Variants in SLCO6A1 observed in about 807,000 individuals in gnomAD.
SLCO6A1 encodes cancer/testis antigen 48.
Under a neutral mutation model 72.7 loss-of-function variants are expected in SLCO6A1, and 65 were observed. The observed-to-expected ratio is 0.89, with a 90% CI of 0.73 to 1.10. SLCO6A1 has a LOEUF of 1.10. Ranked by LOEUF, SLCO6A1 falls within the 50% of genes least tolerant of loss-of-function variation. SLCO6A1 has a pLI of 0.00. For synonymous variants in SLCO6A1, 314 were observed against 298.2 expected (o/e 1.05, Z -0.55); for missense variants, 874 against 872.6 (o/e 1.00, Z -0.02).
At chr5:102,494,723 T>C (rs185558610) in intron 1 of SLCO6A1, among the ~76,000 whole-genome samples, 2 of 152,312 alleles carry the variant, frequency 1.3e-5, no homozygotes, top group East Asian at 1.9e-4. Context: ...ATCACTGGAA[T>C]AGCTAAAATT....
chr5:102,429,154 TTTAAGCTCCTTATAAATGC>T (rs1272287870), intron 7 of SLCO6A1, among the ~76,000 whole-genome samples: 2 of 152,156 alleles, frequency 1.3e-5, no homozygotes, highest in African/African-American at 2.4e-5. Flanking sequence ...TTCTTCTAAG[TTTAAGCTCCTTATAAATGC>T]TTAAGCTCCT....
At chr5:102,387,618 C>T (rs1746487974) in intron 12 of SLCO6A1, among the ~76,000 whole-genome samples, 2 of 151,844 alleles carry the variant, frequency 1.3e-5, no homozygotes, top group Admixed American at 1.3e-4. Context: ...GAATACTTGA[C>T]TTCGGAATTA....
intron 7 of SLCO6A1, among the ~76,000 whole-genome samples, chr5:102,437,698 T>C (rs548989493): frequency 2.0e-4 from 30 of 152,268 alleles, no homozygotes; most frequent in Non-Finnish European, 3.2e-4. Flanking sequence ...AGATTTATAC[T>C]CAGGATTTCT....
At chr5:102,452,631 T>A (rs1175084125) in intron 6 of SLCO6A1, among the ~76,000 whole-genome samples, 1 of 152,212 alleles carries the variant, frequency 6.6e-6, no homozygotes, top group Non-Finnish European at 1.5e-5. Flanking sequence ...AACTCTTTCC[T>A]TTCCTTTTTG....
At chr5:102,447,178 G>GT (rs1372549242) in intron 6 of SLCO6A1, among the ~76,000 whole-genome samples, 1 of 152,226 alleles carries the variant, frequency 6.6e-6, no homozygotes, top group Non-Finnish European at 1.5e-5. Flanking sequence ...AGTGATTTGT[G>GT]TATGTTGAAC....
intron 4 of SLCO6A1, among the ~76,000 whole-genome samples, chr5:102,466,055 G>A (rs781555061): frequency 1.3e-5 from 2 of 151,896 alleles, no homozygotes; most frequent in African/African-American, 2.4e-5. Context: ...GGGTATAAGC[G>A]CAGGATGTGG....
intron 2 of SLCO6A1, among the ~76,000 whole-genome samples, chr5:102,478,233 T>C (rs567437317): frequency 6.6e-6 from 1 of 152,296 alleles, no homozygotes; most frequent in Admixed American, 6.5e-5. Context: ...AAAACATAAA[T>C]GTGCATGCAT....
intron 1 of SLCO6A1, among the ~76,000 whole-genome samples, chr5:102,482,432 T>C (rs1561498081): frequency 6.6e-6 from 1 of 152,310 alleles, no homozygotes; most frequent in East Asian, 1.9e-4. Context: ...TCTTCTACTA[T>C]TCACTCGCTC....
intron 1 of SLCO6A1, among the ~76,000 whole-genome samples, chr5:102,485,289 T>TA (rs1008062881): frequency 4.9e-4 from 70 of 143,578 alleles, no homozygotes; most frequent in East Asian, 2.0e-3. Context: ...AATAAATAAA[T>TA]AAATAAAATA....
At chr5:102,449,492 T>C (rs570524460) in intron 6 of SLCO6A1, among the ~76,000 whole-genome samples, 1 of 152,016 alleles carries the variant, frequency 6.6e-6, no homozygotes, top group African/African-American at 2.4e-5. Flanking sequence ...GTTCATGCCA[T>C]TCTCCTGCCT....
At chr5:102,471,213 CTT>C (rs1751593581) in intron 4 of SLCO6A1, among the ~76,000 whole-genome samples, 1 of 152,004 alleles carries the variant, frequency 6.6e-6, no homozygotes, top group Admixed American at 6.6e-5. Context: ...AAGTAAATAC[CTT>C]CTTCATGCAC....
chr5:102,432,942 C>T (rs942837830), intron 7 of SLCO6A1, among the ~76,000 whole-genome samples: 1 of 152,120 alleles, frequency 6.6e-6, no homozygotes, highest in Non-Finnish European at 1.5e-5. Flanking sequence ...TACATAATTG[C>T]ATATTTTTGT....
At chr5:102,469,644 C>T (rs565487921) in intron 4 of SLCO6A1, among the ~76,000 whole-genome samples, 1 of 152,164 alleles carries the variant, frequency 6.6e-6, no homozygotes, top group East Asian at 1.9e-4. Flanking sequence ...ATTAAATACC[C>T]TTTATTTCTT....
At chr5:102,491,110 C>T (rs895639022) in intron 1 of SLCO6A1, among the ~76,000 whole-genome samples, 13 of 151,994 alleles carry the variant, frequency 8.6e-5, no homozygotes, top group African/African-American at 2.4e-4. Flanking sequence ...TACACAGTGT[C>T]CACACAAAGG....
chr5:102,446,274 A>G (rs1750102936), intron 6 of SLCO6A1, among the ~76,000 whole-genome samples: 1 of 152,122 alleles, frequency 6.6e-6, no homozygotes, highest in African/African-American at 2.4e-5. Flanking sequence ...TTCTCCTTGT[A>G]CGGATCTTTG....
intron 6 of SLCO6A1, among the ~76,000 whole-genome samples, chr5:102,456,355 C>G (rs897654515): frequency 3.9e-5 from 6 of 152,136 alleles, no homozygotes; most frequent in South Asian, 2.1e-4. Flanking sequence ...ATCTAGAAAA[C>G]CCCATTGTCT....
chr5:102,459,105 G>T (rs1367155980), intron 5 of SLCO6A1, among the ~76,000 whole-genome samples: 1 of 152,064 alleles, frequency 6.6e-6, no homozygotes, highest in African/African-American at 2.4e-5. Context: ...ACAAAAATAT[G>T]CACTAATTCT....
intron 4 of SLCO6A1, among the ~76,000 whole-genome samples, chr5:102,472,251 C>T (rs1751665648): frequency 6.6e-6 from 1 of 152,050 alleles, no homozygotes; most frequent in African/African-American, 2.4e-5. Context: ...TATCTGTTTC[C>T]TTTTATGATA....
At chr5:102,456,172 A>G (rs2112745042) in intron 6 of SLCO6A1, among the ~76,000 whole-genome samples, 1 of 152,350 alleles carries the variant, frequency 6.6e-6, no homozygotes, top group Non-Finnish European at 1.5e-5. Context: ...AAAAACTGGA[A>G]GCAGTCCCTT....
Sources: allele counts gnomAD v4.1 joint callset (sites outside exome capture counted in the v4.1 genomes callset), GRCh38; gene constraint gnomAD v4.1.1; transcripts MANE v1.5; gene names NCBI Gene and HGNC (gene_info 2026-07-23, HGNC 2026-07-21).